NDNF: variants seen among roughly 807,000 people sequenced by gnomAD.
NDNF encodes the protein neuron derived neurotrophic factor.
NDNF carries 16 observed loss-of-function variants against 42.0 expected under a neutral mutation model. That is an observed-to-expected ratio of 0.38 (90% CI 0.26 to 0.58). The LOEUF (loss-of-function observed/expected upper bound fraction) is 0.58, where lower values mean the gene tolerates loss of function less well. Ranked by LOEUF, NDNF falls within the 20% of genes least tolerant of loss-of-function variation. The probability of loss-of-function intolerance (pLI) is 0.67; values close to 1 mark genes in which losing one functional copy is unlikely to be tolerated. For missense variants in NDNF, 616 were observed against 666.2 expected (o/e 0.92, Z 0.83); for synonymous variants, 248 against 251.7 (o/e 0.99, Z 0.14).
rs768753287 is a variant in NDNF, at chr4:121,045,692, C to T, written c.146G>A (p.Gly49Glu). Residue 49 changes from glycine to glutamate, a missense_variant, in exon 2 of 4, where the codon GGA (glycine) becomes GAA (glutamate). Physicochemically the swap from Gly to Glu is moderately conservative, Grantham distance 98 (BLOSUM62 -2). Coordinates refer to ENST00000379692, the MANE Select transcript of NDNF (RefSeq NM_024574.4). ...AAAGAGATAACTGCTAATTTCAGCT[C>T]CATCTGGAATTACTGACGAATCATG... ...FFHDSSVIPD[G>E]AEISSYLFRD... The T allele has an allele frequency of 1.2e-6, 2 of 1,614,172 alleles. No individual in the cohort carries two copies. The highest frequency in any genetic ancestry group is 4.5e-5 in the East Asian group (2 of 44,890).
chr4:121,063,082 A>T (rs887307807), intron 1 of NDNF, among the ~76,000 whole-genome samples: 5 of 152,124 alleles, frequency 3.3e-5, no homozygotes, highest in Admixed American at 6.5e-5. Context: ...CCAATTTTTA[A>T]AAACTAATTT....
intron 1 of NDNF, among the ~76,000 whole-genome samples, chr4:121,064,001 A>T (rs1727458926): frequency 6.6e-6 from 1 of 152,232 alleles, no homozygotes; most frequent in Non-Finnish European, 1.5e-5. Flanking sequence ...GTGCATAGAC[A>T]GTCTACAATT....
intron 1 of NDNF, among the ~76,000 whole-genome samples, chr4:121,056,603 AT>A (rs2148769310): frequency 6.6e-6 from 1 of 152,324 alleles, no homozygotes; most frequent in South Asian, 2.1e-4. Flanking sequence ...ACTATCAATC[AT>A]TTCATTCAGG....
chr4:121,047,794 C>A (rs1266770574), intron 1 of NDNF, among the ~76,000 whole-genome samples: 2 of 152,174 alleles, frequency 1.3e-5, no homozygotes, highest in African/African-American at 4.8e-5. Flanking sequence ...AAGAATAAGA[C>A]CAGGCCTTCT....
At chr4:121,070,657 C>A (rs1263624452) in intron 1 of NDNF, among the ~76,000 whole-genome samples, 1 of 152,078 alleles carries the variant, frequency 6.6e-6, no homozygotes, top group East Asian at 1.9e-4. Flanking sequence ...TGTGATTTAG[C>A]GGGATCGACA....
chr4:121,047,008 T>A (rs1381400012), intron 1 of NDNF, among the ~76,000 whole-genome samples: 3 of 152,202 alleles, frequency 2.0e-5, no homozygotes, highest in Admixed American at 2.0e-4. Context: ...AAATATAGTG[T>A]TTTTACATTG....
intron 3 of NDNF, among the ~76,000 whole-genome samples, chr4:121,039,176 C>CG (rs1726940442): frequency 7.5e-5 from 1 of 13,350 alleles, no homozygotes. Flanking sequence ...TATATAAAGA[C>CG]TATGTGTGTG....
intron 1 of NDNF, among the ~76,000 whole-genome samples, chr4:121,067,402 C>G (rs1727518476): frequency 6.6e-6 from 1 of 151,970 alleles, no homozygotes; most frequent in African/African-American, 2.4e-5. Flanking sequence ...AAATTTGTTA[C>G]AGAAAAAATT....
intron 1 of NDNF, among the ~76,000 whole-genome samples, chr4:121,071,008 G>C (rs1278581905): frequency 1.3e-5 from 2 of 152,194 alleles, no homozygotes; most frequent in African/African-American, 2.4e-5. Flanking sequence ...GGTGCGGGCA[G>C]AAAGGTGAAC....
At chr4:121,067,482 A>G (rs1727520170) in intron 1 of NDNF, among the ~76,000 whole-genome samples, 1 of 152,228 alleles carries the variant, frequency 6.6e-6, no homozygotes, top group Admixed American at 6.5e-5. Context: ...TATGGAAGTT[A>G]TTGAAAGAAT....
In NDNF at chr4:121,040,073, C is replaced by T. The variant is rs1246328319; in HGVS notation, c.189-19G>A. 2 of 1,607,426 alleles carry T rather than the reference C, an allele frequency of 1.2e-6. No homozygotes were observed. Among genetic ancestry groups the T allele is most frequent in the Non-Finnish European group, 1.7e-6 (2 of 1,177,214 alleles). ...GAAATACCTGTGGGAAAGTGGACCACTTTAGACCGTGGTAATTCTTTCTAA... is the reference window on the plus strand; with the variant it reads ...GAAATACCTGTGGGAAAGTGGACCATTTTAGACCGTGGTAATTCTTTCTAA... On this transcript the variant is annotated intron_variant, in intron 2 of 3. Transcript: ENST00000379692.
Position 121,037,009 on chromosome 4 carries a change from C to T in NDNF, c.962G>A (p.Ser321Asn). ...ACCTACATAAGCGGTGCTCATGTTGCTGTTGATGTTGACCACAAATACATC... is the reference window on the plus strand; with the variant it reads ...ACCTACATAAGCGGTGCTCATGTTGTTGTTGATGTTGACCACAAATACATC... The part of the protein sequence containing the change: ...YFDVFVVNIN[S>N]NMSTAYVGTF... The change falls in exon 4 of 4, where the codon AGC (serine) becomes AAC (asparagine). Residue 321 changes from serine (S) to asparagine (N), a missense_variant. By Grantham distance (46) the Ser-to-Asn change is conservative. Coordinates refer to ENST00000379692, the MANE Select transcript of NDNF (RefSeq NM_024574.4). 1 of 1,613,964 alleles carries T rather than the reference C, an allele frequency of 6.2e-7. No individual in the cohort carries two copies. Among genetic ancestry groups the T allele is most frequent in the Non-Finnish European group, 8.5e-7 (1 of 1,180,010 alleles).
chr4:121,037,701 C>T (rs776111052), intron 3 of NDNF, 44 bp from the exon 4 acceptor site: 17 of 1,447,180 alleles, frequency 1.2e-5, no homozygotes, highest in Non-Finnish European at 1.6e-5. Context: ...AGGGCATACA[C>T]TGTGGCTTGC....
chr4:121,072,219 C>G lies in NDNF; in HGVS notation c.-228G>C, dbSNP rs1020678307. The stretch of plus-strand genomic sequence containing the variant: ...AGCAAACTTCAAAGGCGGGCGAGGG[C>G]GGGCGGCGCGCGGTCGCCGAAGTTG... On this transcript the variant is annotated 5_prime_UTR_variant, in exon 1 of 4. Transcript: ENST00000379692. The G allele has an allele frequency of 3.9e-5, 6 of 152,676 alleles. No homozygotes were observed. The highest frequency in any genetic ancestry group is 1.2e-4 in the African/African-American group (5 of 41,584). The allele number at this position is 152,676 out of a possible 1,614,324, so 9.5% of individuals were successfully genotyped here.
chr4:121,069,436 T>C (rs1356831844), intron 1 of NDNF, among the ~76,000 whole-genome samples: 1 of 152,266 alleles, frequency 6.6e-6, no homozygotes, highest in Non-Finnish European at 1.5e-5. Flanking sequence ...TTTATATTCA[T>C]GGTTTCATTT....
At position 121,039,155 on chromosome 4, in the gene NDNF, ATG is replaced by A. The variant is rs1491424529; in HGVS notation, c.313+773_313+774del. Among the ~76,000 whole-genome samples, 171 of 32,386 alleles carry A rather than the reference ATG, an allele frequency of 5.3e-3. 4 individuals carry two copies. The highest frequency in any genetic ancestry group is 0.019 in the Non-Finnish European group (141 of 7,542). The allele number at this position is 32,386 out of a possible 152,430, so 21.2% of individuals were successfully genotyped here. A position where few individuals can be genotyped will look rare whatever the true frequency, so the allele number is the denominator to read the frequency against. ...GTTATATATATATGTGTATATATAT[ATG>A]TATATATATATATAAAGACTATGTG... On this transcript the variant is annotated intron_variant, in intron 3 of 3. Transcript: ENST00000379692.
intron 1 of NDNF, among the ~76,000 whole-genome samples, chr4:121,047,887 GAGC>G (rs1727121585): frequency 6.6e-6 from 1 of 152,134 alleles, no homozygotes; most frequent in South Asian, 2.1e-4. Context: ...ATGTCAGTGG[GAGC>G]TCATGAGAGT....
Position 121,058,381 on chromosome 4 carries a change from C to T in NDNF, c.-1-12543G>A, listed in dbSNP as rs577226718. On this transcript the variant is annotated intron_variant, in intron 1 of 3. Coordinates refer to ENST00000379692, the MANE Select transcript of NDNF (RefSeq NM_024574.4). The stretch of plus-strand genomic sequence containing the variant: ...CCCTCAAGAGTGTAAAATAACTCAG[C>T]GGACACCTCTGCAAGCCAGACTTGA... Among the ~76,000 whole-genome samples the T allele has an allele frequency of 3.9e-5, 6 of 152,184 alleles. No individual in the cohort carries two copies. The South Asian group carries it at 1.0e-3, about 26-fold the overall frequency.
rs1404737753 is a variant in NDNF at position 121,036,684 on chromosome 4, A to G, written c.1287T>C (p.Ser429=). ...TTGTGGTAGCTAGAATTTTCAACAT[A>G]GATGCTCCTTTCTTGTTTCCTTTCA... is the stretch of plus-strand genomic sequence containing the variant. ...VRLKGNKKGA[S]MLKILATTRP... Residue 429 remains serine (S), a synonymous_variant, in exon 4 of 4, where the codon TCT becomes TCC. Coordinates refer to ENST00000379692, the MANE Select transcript of NDNF (RefSeq NM_024574.4). 1.9e-6 allele frequency: 3 copies of G among 1,614,116 alleles called. No individual in the cohort carries two copies. Among genetic ancestry groups the G allele is most frequent in the Non-Finnish European group, 2.5e-6 (3 of 1,180,008 alleles).
Sources: allele counts gnomAD v4.1 joint callset (sites outside exome capture counted in the v4.1 genomes callset), GRCh38; gene constraint gnomAD v4.1.1; transcripts MANE v1.5; gene names NCBI Gene and HGNC (gene_info 2026-07-23, HGNC 2026-07-21).